KCNIP4: variants seen among roughly 807,000 people sequenced by gnomAD.
The protein encoded by KCNIP4 is potassium voltage-gated channel interacting protein 4.
In KCNIP4, 12 loss-of-function variants were observed where a neutral mutation model predicts 34.0. That is an observed-to-expected ratio of 0.35 (90% CI 0.23 to 0.57). The LOEUF (loss-of-function observed/expected upper bound fraction) is 0.57. Ranked by LOEUF, KCNIP4 falls within the 20% of genes least tolerant of loss-of-function variation. The pLI, the probability that KCNIP4 is intolerant of heterozygous loss-of-function variation, is 0.83. For missense variants in KCNIP4, 238 were observed against 311.7 expected, an observed-to-expected ratio of 0.76 and a Z score of 1.78; for synonymous variants, 124 against 102.2, an observed-to-expected ratio of 1.21 and a Z score of -1.29.
intron 2 of KCNIP4, among the ~76,000 whole-genome samples, chr4:20,861,653 TG>T (rs1722207885): frequency 6.6e-6 from 1 of 152,140 alleles, no homozygotes; most frequent in African/African-American, 2.4e-5. Flanking sequence ...TCTTGGAAAA[TG>T]GCCATTTAGT....
intron 1 of KCNIP4, among the ~76,000 whole-genome samples, chr4:21,477,069 T>C (rs1731041294): frequency 6.6e-6 from 1 of 152,168 alleles, no homozygotes; most frequent in Non-Finnish European, 1.5e-5. Flanking sequence ...CCTGAATAAA[T>C]TTTAAAAATC....
In KCNIP4 at chr4:21,519,279, C is replaced by T. The variant is rs75636992; in HGVS notation, c.61+429292G>A. ...ACCTTGAGAAATCAGCCATCTATAGCCCAGAAGAGCCCTGTATTAGTCAGG... is the reference window on the plus strand; with the variant it reads ...ACCTTGAGAAATCAGCCATCTATAGTCCAGAAGAGCCCTGTATTAGTCAGG... On this transcript the variant is annotated intron_variant, in intron 1 of 8. Coordinates refer to ENST00000382152, the MANE Select transcript of KCNIP4 (RefSeq NM_025221.6). 1.2e-3 allele frequency among the ~76,000 whole-genome samples: 187 copies of T among 151,420 alleles called. 4 individuals are homozygous for T. In the East Asian group the frequency reaches 0.031, roughly 25 times the overall value.
At chr4:21,236,666 C>A (rs1291650734) in intron 1 of KCNIP4, among the ~76,000 whole-genome samples, 2 of 152,034 alleles carry the variant, frequency 1.3e-5, no homozygotes, top group East Asian at 3.9e-4. Flanking sequence ...AATTAGCCTC[C>A]AGTTAGTGAA....
At chr4:21,697,316 TAAAAA>T (rs537856921) in intron 1 of KCNIP4, 7,711 of 1,214,394 alleles carry the variant, frequency 6.3e-3, no homozygotes, top group Middle Eastern at 7.9e-3. Context: ...TAGCCTCTAC[TAAAAA>T]AAAAAAAAAA....
chr4:21,107,773 GA>G lies in KCNIP4; in HGVS notation c.62-225065del, dbSNP rs1387732026. 2.6e-5 allele frequency among the ~76,000 whole-genome samples: 4 copies of G among 151,380 alleles called. 1 individual carries two copies. The highest frequency in any genetic ancestry group is 4.9e-5 in the African/African-American group (2 of 40,734). On this transcript the variant is annotated intron_variant, in intron 1 of 8. Transcript: ENST00000382152. The stretch of plus-strand genomic sequence containing the variant: ...TTTCCATGTTTAGTGCTTCCTTCAG[GA>G]GCTCTTTTAGGGCAGGCCTGGTGGT...
intron 1 of KCNIP4, among the ~76,000 whole-genome samples, chr4:21,373,486 C>A (rs1431885763): frequency 1.4e-5 from 2 of 146,976 alleles, no homozygotes; most frequent in African/African-American, 2.7e-5. Flanking sequence ...GTTTTCTCAG[C>A]AGATATTTTC....
chr4:21,650,679 GT>G (rs1747416314), intron 1 of KCNIP4, among the ~76,000 whole-genome samples: 1 of 152,116 alleles, frequency 6.6e-6, no homozygotes, highest in South Asian at 2.1e-4. Flanking sequence ...CTAAAACTTA[GT>G]ATCTTAAAAC....
intron 1 of KCNIP4, among the ~76,000 whole-genome samples, chr4:21,049,264 T>G (rs935368553): frequency 6.6e-6 from 1 of 152,180 alleles, no homozygotes; most frequent in Admixed American, 6.5e-5. Context: ...ACCTTCTGTT[T>G]ATCTTATGTG....
chr4:21,040,470 G>A (rs1741860571), intron 1 of KCNIP4, among the ~76,000 whole-genome samples: 1 of 152,060 alleles, frequency 6.6e-6, no homozygotes, highest in African/African-American at 2.4e-5. Context: ...TTAATCTGAG[G>A]CTTCAGAAAA....
At chr4:20,819,250 A>G (rs1397828707) in intron 3 of KCNIP4, among the ~76,000 whole-genome samples, 2 of 152,132 alleles carry the variant, frequency 1.3e-5, no homozygotes, top group African/African-American at 2.4e-5. Flanking sequence ...ACAAAGTTAC[A>G]CTGTTAATAA....
At chr4:20,847,427 C>G (rs1560510767) in intron 3 of KCNIP4, among the ~76,000 whole-genome samples, 1 of 152,156 alleles carries the variant, frequency 6.6e-6, no homozygotes, top group Non-Finnish European at 1.5e-5. Flanking sequence ...CCCACCTCTA[C>G]TAAGTCATAA....
At chr4:21,134,186 G>T (rs1410339594) in intron 1 of KCNIP4, among the ~76,000 whole-genome samples, 1 of 152,034 alleles carries the variant, frequency 6.6e-6, no homozygotes, top group Admixed American at 6.5e-5. Flanking sequence ...TTCCACCTCT[G>T]CCACCCCTGA....
intron 5 of KCNIP4, among the ~76,000 whole-genome samples, chr4:20,744,201 TGAC>T (rs1480093831): frequency 2.0e-5 from 3 of 150,900 alleles, no homozygotes; most frequent in African/African-American, 7.3e-5. Context: ...GGAAGACTGG[TGAC>T]TCCTCAAGGA....
intron 1 of KCNIP4, among the ~76,000 whole-genome samples, chr4:21,712,327 T>G (rs924243532): frequency 6.6e-6 from 1 of 152,240 alleles, no homozygotes; most frequent in Non-Finnish European, 1.5e-5. Flanking sequence ...GAACTGGCGT[T>G]CTTGTAAGCT....
intron 3 of KCNIP4, among the ~76,000 whole-genome samples, chr4:20,776,408 GT>G (rs1197483683): frequency 3.3e-5 from 5 of 152,054 alleles, no homozygotes; most frequent in Non-Finnish European, 7.4e-5. Context: ...TCGGTTTCTT[GT>G]TATCTTTGCT....
At position 21,404,598 on chromosome 4, in the gene KCNIP4, A is replaced by T. The variant is rs115993356; in HGVS notation, c.62-521889T>A. 7.2e-3 allele frequency among the ~76,000 whole-genome samples: 1,098 copies of T among 152,290 alleles called. 15 individuals are homozygous for T. Among genetic ancestry groups the T allele is most frequent in the African/African-American group, 0.025 (1,059 of 41,554 alleles). On this transcript the variant is annotated intron_variant, in intron 1 of 8. Coordinates refer to ENST00000382152, the MANE Select transcript of KCNIP4 (RefSeq NM_025221.6). Reference sequence around the variant, plus strand: ...TTTATAAACATGTACACGTATACATAGCATATTAACAATCTTCAATGATTT... The same window carrying T: ...TTTATAAACATGTACACGTATACATTGCATATTAACAATCTTCAATGATTT...
At position 20,982,183 on chromosome 4, in the gene KCNIP4, T is replaced by C. The variant is rs16870284; in HGVS notation, c.62-99474A>G. ...ACTGTGCGCTATCCTCATAATGCTG[T>C]GAAAGTTGACTTCCTCAATACATTT... On this transcript the variant is annotated intron_variant, in intron 1 of 8. Coordinates refer to ENST00000382152, the MANE Select transcript of KCNIP4 (RefSeq NM_025221.6). Among the ~76,000 whole-genome samples the C allele has an allele frequency of 8.3e-3, 1,268 of 152,310 alleles. 19 individuals carry two copies. The highest frequency in any genetic ancestry group is 0.029 in the African/African-American group (1,196 of 41,572).
At chr4:21,758,176 C>T (rs947207086) in intron 1 of KCNIP4, among the ~76,000 whole-genome samples, 8 of 152,074 alleles carry the variant, frequency 5.3e-5, no homozygotes, top group African/African-American at 1.7e-4. Context: ...TTTTGGGGTG[C>T]AATTTGTGTC....
intron 1 of KCNIP4, among the ~76,000 whole-genome samples, chr4:21,773,474 T>C (rs1718942639): frequency 6.6e-6 from 1 of 152,168 alleles, no homozygotes; most frequent in African/African-American, 2.4e-5. Context: ...ATATCTTTGT[T>C]AATTTTGTTT....
Sources: gnomAD v4.1 joint callset for allele counts (sites outside exome capture counted in the v4.1 genomes callset) on GRCh38, gnomAD v4.1.1 for gene constraint, MANE v1.5 for transcripts, NCBI Gene and HGNC (gene_info 2026-07-23, HGNC 2026-07-21) for gene names.